The following PSG5 variants were observed in gnomAD, a reference collection of about 807,000 sequenced individuals.
PSG5 encodes pregnancy-specific beta-1-glycoprotein 5.
PSG5 carries 53 observed loss-of-function variants against 37.7 expected under a neutral mutation model. That is an observed-to-expected ratio of 1.41 (90% CI 1.13 to 1.77). The LOEUF is 1.77. PSG5 is among the 40% of genes most tolerant of loss of function. PSG5 has a pLI of 0.00. For missense variants in PSG5, 547 were observed against 405.2 expected (o/e 1.35, Z -3.00); for synonymous variants, 221 against 155.4 (o/e 1.42, Z -3.14).
intron 1 of PSG5, 65 bp from the exon 2 acceptor site, chr19:43,185,212 C>T: frequency 2.0e-6 from 3 of 1,506,260 alleles, no homozygotes; most frequent in Non-Finnish European, 1.8e-6. Flanking sequence ...AGATGGAGCC[C>T]TGGGTCCTGA....
chr19:43,182,417 C>G (rs755162756), intron 2 of PSG5, among the ~76,000 whole-genome samples: 9 of 151,552 alleles, frequency 5.9e-5, no homozygotes, highest in Non-Finnish European at 1.2e-4. Context: ...TTCTGGCAAC[C>G]GGCTGACCTC....
intron 2 of PSG5, 72 bp from the exon 3 acceptor site, chr19:43,176,220 AG>A: frequency 4.4e-6 from 7 of 1,576,098 alleles, no homozygotes; most frequent in Non-Finnish European, 6.0e-6. Context: ...CTTCAATCAG[AG>A]TTGGCATCTC....
rs984108974 is a variant in PSG5, at chr19:43,176,745, G to T, written c.431-597C>A. 1.4e-4 allele frequency among the ~76,000 whole-genome samples: 21 copies of T among 150,508 alleles called. 1 individual carries two copies. The highest frequency in any genetic ancestry group is 2.8e-4 in the Non-Finnish European group (19 of 67,642). On this transcript the variant is annotated intron_variant, in intron 2 of 5. Coordinates refer to ENST00000342951, the MANE Select transcript of PSG5 (RefSeq NM_002781.4). ...CAGTGGAGGCAGAAAGTGGGGCAGT[G>T]TTTTGCAGGTGTTTCATGATGACTT...
rs185878083 is a variant in PSG5 at position 43,183,084 on chromosome 19, G to A, written c.430+1698C>T. Reference sequence around the variant, plus strand: ...CTTGCCAGTCAGAATGAAGTGGGAGGAAGATGAGGGACACAGAGAAGCAGA... The same window carrying A: ...CTTGCCAGTCAGAATGAAGTGGGAGAAAGATGAGGGACACAGAGAAGCAGA... On this transcript the variant is annotated intron_variant, in intron 2 of 5. Coordinates refer to ENST00000342951, the MANE Select transcript of PSG5 (RefSeq NM_002781.4). 4.0e-3 allele frequency among the ~76,000 whole-genome samples: 599 copies of A among 151,268 alleles called. 10 individuals carry two copies. Among genetic ancestry groups the A allele is most frequent in the African/African-American group, 0.014 (578 of 41,006 alleles).
chr19:43,174,887 T>A, intron 4 of PSG5: 1 of 1,184,906 alleles, frequency 8.4e-7, no homozygotes, highest in South Asian at 2.1e-5. Context: ...CAGAAGGGGA[T>A]GTGTTGGTGA....
At chr19:43,180,200 G>A (rs1464593352) in intron 2 of PSG5, 1 of 151,588 alleles carries the variant, frequency 6.6e-6, no homozygotes, top group African/African-American at 2.4e-5. Context: ...CAGGAGCTGG[G>A]ATCAGGGGAA....
Position 43,184,832 on chromosome 19 carries a change from C to A in PSG5, c.380G>T (p.Arg127Leu), listed in dbSNP as rs745966851. 1.2e-6 allele frequency: 2 copies of A among 1,612,396 alleles called. No homozygotes were observed. The highest frequency in any genetic ancestry group is 2.2e-5 in the South Asian group (2 of 91,022). Residue 127 changes from arginine (R) to leucine (L), a missense_variant, in exon 2 of 6, where the codon CGA (arginine) becomes CTA (leucine). Transcript: ENST00000342951. ...AGSYTLHIIK[R>L]GDRTRGVTGY... ...AGTTACTCCTCTAGTCCTATCACCT[C>A]GCTTTATGATGTGTAAGGTGTAGGA...
At position 43,169,777 on chromosome 19, in the gene PSG5, A is replaced by G. The variant is rs190580825; in HGVS notation, c.*40+278T>C. Among the ~76,000 whole-genome samples the G allele has an allele frequency of 4.0e-3, 605 of 151,782 alleles. 15 individuals are homozygous for G. The highest frequency in any genetic ancestry group is 0.014 in the African/African-American group (584 of 41,230). ...ATTACACTATTGAGAGATGTTAAAAATAATGAAGAGGGTTTCACCATGTGA... is the reference window on the plus strand; with the variant it reads ...ATTACACTATTGAGAGATGTTAAAAGTAATGAAGAGGGTTTCACCATGTGA... On this transcript the variant is annotated intron_variant, in intron 5 of 5. Transcript: ENST00000342951.
intron 2 of PSG5, chr19:43,183,279 T>TG (rs1969169211): frequency 2.8e-6 from 1 of 361,384 alleles, no homozygotes; most frequent in African/African-American, 2.2e-5. Context: ...CAAGAGGTAG[T>TG]GGGGGGATGA....
At chr19:43,179,069 A>C in intron 2 of PSG5, 1 of 1,612,366 alleles carries the variant, frequency 6.2e-7, no homozygotes. Context: ...TTGTGTCTGA[A>C]GCCGCAGGAT....
Position 43,175,532 on chromosome 19 carries a change from C to T in PSG5, c.710-63G>A, listed in dbSNP as rs1185933950. The T allele has an allele frequency of 1.9e-6, 3 of 1,546,420 alleles. No individual in the cohort carries two copies. The African/African-American group carries it at 4.2e-5, about 21-fold the overall frequency. On this transcript the variant is annotated intron_variant, in intron 3 of 5. Transcript: ENST00000342951. ...CAAGGGAAGGGGATGCTCCTGGTCT[C>T]TTAAAGGGACACAGTGACCCTCTGA...
At chr19:43,183,403 C>T (rs1381652712) in intron 2 of PSG5, 1 of 526,950 alleles carries the variant, frequency 1.9e-6, no homozygotes, top group Admixed American at 2.0e-5. Context: ...TTCTTCATTC[C>T]ATTCCTTCAT....
At position 43,176,043 on chromosome 19, in the gene PSG5, A is replaced by G. The variant is rs759078701; in HGVS notation, c.536T>C (p.Ile179Thr). Residue 179 changes from isoleucine to threonine, a missense_variant, in exon 3 of 6, where the codon ATT becomes ACT. By Grantham distance (89) the Ile-to-Thr change is moderately conservative (BLOSUM62 -1). Coordinates refer to ENST00000342951, the MANE Select transcript of PSG5 (RefSeq NM_002781.4). ...CEPKSENYTY[I>T]WWLNGQSLPV... ...GAGGCTCTGACCATTTAGCCACCAA[A>G]TGTAGGTGTAGTTCTCACTCTTAGG... 8.7e-6 allele frequency: 14 copies of G among 1,611,044 alleles called. No homozygotes were observed. The South Asian group carries it at 1.5e-4, about 18-fold the overall frequency.
At chr19:43,170,283 G>T (rs1404325364) in intron 4 of PSG5, 145 bp from the exon 5 acceptor site, 3 of 861,450 alleles carry the variant, frequency 3.5e-6, no homozygotes, top group African/African-American at 1.8e-5. Context: ...GATGGGAGAT[G>T]ATTATATTCT....
At chr19:43,180,040 G>A (rs1190058224) in intron 2 of PSG5, among the ~76,000 whole-genome samples, 4 of 151,674 alleles carry the variant, frequency 2.6e-5, no homozygotes, top group African/African-American at 4.9e-5. Context: ...GACCATATGT[G>A]TTTGGTGGAT....
chr19:43,177,711 G>C (rs1404348007), intron 2 of PSG5, among the ~76,000 whole-genome samples: 2 of 151,454 alleles, frequency 1.3e-5, no homozygotes, highest in African/African-American at 4.9e-5. Context: ...ATTAATAAGA[G>C]CCTGTCAGGT....
intron 4 of PSG5, chr19:43,171,449 C>A (rs892119092): frequency 6.5e-5 from 12 of 183,348 alleles, no homozygotes; most frequent in African/African-American, 1.7e-4. Context: ...CAACAACCTA[C>A]TTTAATACTT....
In PSG5 at chr19:43,168,165, G is replaced by C. The variant is rs1968826855; in HGVS notation, c.*79C>G. 2.4e-6 allele frequency: 1 copy of C among 419,804 alleles called. No homozygotes were observed. Among genetic ancestry groups the C allele is most frequent in the East Asian group, 3.6e-5 (1 of 27,914 alleles). 26.0% of individuals were successfully genotyped at this position (419,804 alleles called of 1,614,324 possible). A position where few individuals can be genotyped will look rare whatever the true frequency, so the allele number is the denominator to read the frequency against. ...AAGAAAAAGCAATTTTGGACTGTAG[G>C]TGATTGTAAGTAGTTTGAGGAAGAA... On this transcript the variant is annotated 3_prime_UTR_variant, in exon 6 of 6. Transcript: ENST00000342951.
At chr19:43,179,113 T>A in intron 2 of PSG5, 1 of 1,606,898 alleles carries the variant, frequency 6.2e-7, no homozygotes, top group Non-Finnish European at 8.5e-7. Flanking sequence ...ATGGCCTCCC[T>A]GGGGTTTAAG....
Sources: allele counts gnomAD v4.1 joint callset (sites outside exome capture counted in the v4.1 genomes callset), GRCh38; gene constraint gnomAD v4.1.1; transcripts MANE v1.5; gene names NCBI Gene and HGNC (gene_info 2026-07-23, HGNC 2026-07-21).